Variants in LSAMP observed in about 807,000 individuals in gnomAD.
LSAMP encodes limbic system-associated membrane protein.
In LSAMP, 7 loss-of-function variants were observed where a neutral mutation model predicts 38.6. That is an observed-to-expected ratio of 0.18 (90% CI 0.10 to 0.34). The LOEUF (loss-of-function observed/expected upper bound fraction) is 0.34, where lower values mean the gene tolerates loss of function less well. LSAMP is among the 10% of genes least tolerant of loss of function. The pLI, the probability that LSAMP is intolerant of heterozygous loss-of-function variation, is 1.00. For missense variants in LSAMP, 313 were observed against 420.0 expected, an observed-to-expected ratio of 0.75 and a Z score of 2.23; for synonymous variants, 154 against 166.8, an observed-to-expected ratio of 0.92 and a Z score of 0.59.
intron 1 of LSAMP, among the ~76,000 whole-genome samples, chr3:116,125,545 CTT>C (rs1708989525): frequency 6.6e-6 from 1 of 152,104 alleles, no homozygotes; most frequent in Admixed American, 6.5e-5. Context: ...TCTCTCAACT[CTT>C]TTCTTTGACT....
chr3:116,305,236 A>G (rs7611085), intron 1 of LSAMP, among the ~76,000 whole-genome samples: 127,240 of 152,058 alleles, frequency 0.84, 55,402 homozygotes, highest in Non-Finnish European at 0.94. Context: ...CAGCTGGTAG[A>G]TTTCATTTTA....
At chr3:116,203,142 C>T (rs1200643478) in intron 1 of LSAMP, among the ~76,000 whole-genome samples, 1 of 152,160 alleles carries the variant, frequency 6.6e-6, no homozygotes, top group African/African-American at 2.4e-5. Flanking sequence ...TCTTGCTGCA[C>T]TGGCTATGAA....
chr3:116,351,397 C>T (rs946407185), intron 1 of LSAMP, among the ~76,000 whole-genome samples: 2 of 151,990 alleles, frequency 1.3e-5, no homozygotes, highest in Non-Finnish European at 2.9e-5. Context: ...CTCTGAGTAA[C>T]GGAGAAGTAG....
intron 3 of LSAMP, among the ~76,000 whole-genome samples, chr3:115,897,174 G>T (rs1261453457): frequency 6.6e-6 from 1 of 151,966 alleles, no homozygotes. Context: ...GGAGGGAGGA[G>T]GTATTGCTTA....
intron 1 of LSAMP, among the ~76,000 whole-genome samples, chr3:116,200,083 A>G (rs2045969158): frequency 8.1e-6 from 1 of 124,040 alleles, no homozygotes; most frequent in Non-Finnish European, 1.7e-5. Context: ...ACTGTTTTTC[A>G]GTCTTACTTT....
chr3:116,166,373 A>C (rs1393805837), intron 1 of LSAMP, among the ~76,000 whole-genome samples: 1 of 152,206 alleles, frequency 6.6e-6, no homozygotes, highest in African/African-American at 2.4e-5. Context: ...AGGCACAGAG[A>C]TCTTCAGTGA....
At chr3:116,290,734 A>AAATAAT (rs201227569) in intron 1 of LSAMP, among the ~76,000 whole-genome samples, 9,328 of 140,310 alleles carry the variant, frequency 0.066, 387 homozygotes, top group South Asian at 0.12. Flanking sequence ...TGTCTCACAA[A>AAATAAT]AATAATAATA....
At chr3:116,440,507 T>C (rs2049418474) in intron 1 of LSAMP, among the ~76,000 whole-genome samples, 1 of 152,198 alleles carries the variant, frequency 6.6e-6, no homozygotes, top group South Asian at 2.1e-4. Flanking sequence ...ATTGTATGTG[T>C]GTATAAACCC....
intron 1 of LSAMP, among the ~76,000 whole-genome samples, chr3:116,173,002 T>C (rs1710241506): frequency 6.6e-6 from 1 of 151,958 alleles, no homozygotes; most frequent in Non-Finnish European, 1.5e-5. Flanking sequence ...GCTGAGTAAA[T>C]TGTAAATAGT....
rs183042404 is a variant in LSAMP at position 115,814,586 on chromosome 3, G to C, written c.920-4172C>G. On this transcript the variant is annotated intron_variant, in intron 6 of 6. Transcript: ENST00000490035. ...CGGTTTTCTGTTGCTCCTCCTAGGA[G>C]CCCATTTCTTGGATTTAGGACTAAA... Among the ~76,000 whole-genome samples, 299 of 152,268 alleles carry C rather than the reference G, an allele frequency of 2.0e-3. 4 individuals carry two copies. Among genetic ancestry groups the C allele is most frequent in the South Asian group, 0.018 (87 of 4,818 alleles).
intron 3 of LSAMP, among the ~76,000 whole-genome samples, chr3:115,907,612 C>T (rs1937039796): frequency 6.6e-6 from 1 of 152,160 alleles, no homozygotes; most frequent in Admixed American, 6.6e-5. Flanking sequence ...CTTCGGGCTA[C>T]TTCCCCAGTC....
In LSAMP at chr3:115,991,600, A is replaced by G. The variant is rs77378943; in HGVS notation, c.514+27915T>C. On this transcript the variant is annotated intron_variant, in intron 3 of 6. Transcript: ENST00000490035. ...AAGGTGGAATGATTAAATCAGAGTAATCTTACATAGTCATAGTAATCGAGG... is the reference window on the plus strand; with the variant it reads ...AAGGTGGAATGATTAAATCAGAGTAGTCTTACATAGTCATAGTAATCGAGG... Among the ~76,000 whole-genome samples, 399 of 152,210 alleles carry G rather than the reference A, an allele frequency of 2.6e-3. 8 individuals are homozygous for G. In the East Asian group the frequency reaches 0.044, roughly 17 times the overall value.
chr3:115,884,084 T>C (rs1447343754), intron 3 of LSAMP, among the ~76,000 whole-genome samples: 1 of 152,050 alleles, frequency 6.6e-6, no homozygotes, highest in African/African-American at 2.4e-5. Context: ...ATTCTGGGAC[T>C]ATGATGCCCA....
chr3:116,355,069 TA>T, intron 1 of LSAMP, among the ~76,000 whole-genome samples: 1 of 152,308 alleles, frequency 6.6e-6, no homozygotes, highest in Middle Eastern at 3.4e-3. Context: ...ATTGATTCTA[TA>T]AAATAAAATC....
At chr3:115,850,117 C>T (rs1412613513) in intron 4 of LSAMP, among the ~76,000 whole-genome samples, 2 of 152,168 alleles carry the variant, frequency 1.3e-5, no homozygotes, top group Non-Finnish European at 2.9e-5. Context: ...GTGGTTCACT[C>T]ATCACTAGCA....
At chr3:116,439,318 TG>T (rs771914994) in intron 1 of LSAMP, among the ~76,000 whole-genome samples, 2,138 of 127,652 alleles carry the variant, frequency 0.017, 51 homozygotes, top group African/African-American at 0.026. Flanking sequence ...GAGATTTTGT[TG>T]TTTTTTTTTT....
At chr3:116,444,414 C>A (rs1396056328) in intron 1 of LSAMP, among the ~76,000 whole-genome samples, 1 of 136,532 alleles carries the variant, frequency 7.3e-6, no homozygotes, top group Non-Finnish European at 1.6e-5. Context: ...CACACACAGA[C>A]ACGGGAGGAG....
chr3:116,263,697 A>G (rs1443373110), intron 1 of LSAMP, among the ~76,000 whole-genome samples: 1 of 151,888 alleles, frequency 6.6e-6, no homozygotes, highest in East Asian at 1.9e-4. Flanking sequence ...GTTTTTAAGT[A>G]CTGATCTAGA....
At chr3:116,034,480 AG>A (rs112170168) in intron 2 of LSAMP, among the ~76,000 whole-genome samples, 2,932 of 152,198 alleles carry the variant, frequency 0.019, 102 homozygotes, top group African/African-American at 0.067. Flanking sequence ...CTTTGGACAT[AG>A]GGTGTTTTAT....
Sources: gnomAD v4.1 joint callset for allele counts (sites outside exome capture counted in the v4.1 genomes callset) on GRCh38, gnomAD v4.1.1 for gene constraint, MANE v1.5 for transcripts, NCBI Gene and HGNC (gene_info 2026-07-23, HGNC 2026-07-21) for gene names.